SCAP: variants seen among roughly 807,000 people sequenced by gnomAD.
The protein encoded by SCAP is sterol regulatory element-binding protein cleavage-activating protein.
Under a neutral mutation model 123.6 loss-of-function variants are expected in SCAP, and 65 were observed. That is an observed-to-expected ratio of 0.53 (90% confidence interval 0.43 to 0.65). The LOEUF (loss-of-function observed/expected upper bound fraction) is 0.65, where lower values mean the gene tolerates loss of function less well. Ranked by LOEUF, SCAP falls within the 30% of genes least tolerant of loss-of-function variation. The pLI, the probability that SCAP is intolerant of heterozygous loss-of-function variation, is 0.00. For synonymous variants in SCAP, 740 were observed against 726.3 expected (o/e 1.02, Z -0.30); for missense variants, 1,398 against 1,712.5 (o/e 0.82, Z 3.24).
At chr3:47,467,697 T>C (rs1427595152) in intron 1 of SCAP, among the ~76,000 whole-genome samples, 1 of 152,056 alleles carries the variant, frequency 6.6e-6, no homozygotes, top group African/African-American at 2.4e-5. Context: ...AACATCAATA[T>C]TCCTTAGAAA....
At chr3:47,414,490 G>A in intron 21 of SCAP, 82 bp downstream of exon 21, 1 of 1,599,796 alleles carries the variant, frequency 6.3e-7, no homozygotes. Context: ...CTTCCTGGAA[G>A]GCCCCTGGGG....
intron 3 of SCAP, chr3:47,429,040 G>T (rs1706257097): frequency 1.0e-5 from 2 of 198,588 alleles, no homozygotes; most frequent in Admixed American, 1.1e-4. Flanking sequence ...AGATAACTGG[G>T]CATGCTCAAA....
chr3:47,421,265 G>A (rs1423111043), intron 10 of SCAP: 2 of 540,754 alleles, frequency 3.7e-6, no homozygotes, highest in Non-Finnish European at 6.7e-6. Flanking sequence ...TGAAAGGGAA[G>A]GGGAAGTACC....
chr3:47,419,063 C>T lies in SCAP; in HGVS notation c.1941-220G>A, dbSNP rs971563084. On this transcript the variant is annotated intron_variant, in intron 13 of 22. Transcript: ENST00000265565. The surrounding 1 kb of genome is among the most constrained non-coding windows in gnomAD (Gnocchi z 5.0). ...CCAGCACCCAAACAGCCCTGGTGGC[C>T]GTGTGGGGTATCTCCCTCCCCACTC... Among the ~76,000 whole-genome samples, 8 of 152,098 alleles carry T rather than the reference C, an allele frequency of 5.3e-5. No individual in the cohort carries two copies. The highest frequency in any genetic ancestry group is 1.2e-4 in the Non-Finnish European group (8 of 67,994).
intron 2 of SCAP, among the ~76,000 whole-genome samples, chr3:47,441,745 T>C (rs940102803): frequency 6.6e-6 from 1 of 152,164 alleles, no homozygotes; most frequent in Admixed American, 6.6e-5. Context: ...ATTAGTTATG[T>C]GGACCAGACA....
At chr3:47,465,110 G>A (rs945773741) in intron 1 of SCAP, among the ~76,000 whole-genome samples, 15 of 151,364 alleles carry the variant, frequency 9.9e-5, no homozygotes, top group Non-Finnish European at 1.6e-4. Flanking sequence ...AATTAAAGAC[G>A]TAAAATAAAG....
chr3:47,436,394 G>A (rs756610733), intron 2 of SCAP, among the ~76,000 whole-genome samples: 31 of 152,194 alleles, frequency 2.0e-4, no homozygotes, highest in Admixed American at 1.3e-4. Context: ...CACTTTGGGA[G>A]AGGCCAAGCG....
intron 1 of SCAP, among the ~76,000 whole-genome samples, chr3:47,459,165 A>G (rs970588159): frequency 4.6e-5 from 7 of 152,182 alleles, no homozygotes; most frequent in African/African-American, 1.7e-4. Flanking sequence ...TTGTCATTTC[A>G]CACAATGTCT....
chr3:47,453,768 T>C (rs1169461197), intron 1 of SCAP, among the ~76,000 whole-genome samples: 1 of 152,094 alleles, frequency 6.6e-6, no homozygotes, highest in Non-Finnish European at 1.5e-5. Flanking sequence ...ATGCTGGCAT[T>C]CTTCCCCAAA....
chr3:47,422,946 G>A (rs965544092), intron 9 of SCAP, among the ~76,000 whole-genome samples: 4 of 152,178 alleles, frequency 2.6e-5, no homozygotes, highest in South Asian at 2.1e-4. Context: ...AGAAGCACTC[G>A]GCGGGTAGAG....
chr3:47,444,474 G>A (rs1706946027), intron 1 of SCAP, among the ~76,000 whole-genome samples: 1 of 152,078 alleles, frequency 6.6e-6, no homozygotes, highest in South Asian at 2.1e-4. Context: ...TCCAATCCAG[G>A]AACCCTTTAT....
chr3:47,452,831 T>C (rs1466703002), intron 1 of SCAP, among the ~76,000 whole-genome samples: 1 of 151,950 alleles, frequency 6.6e-6, no homozygotes, highest in African/African-American at 2.4e-5. Flanking sequence ...CTAATGTCTG[T>C]AATCCCAGCA....
intron 18 of SCAP, among the ~76,000 whole-genome samples, 167 bp from the exon 19 acceptor site, chr3:47,415,347 C>T (rs145074102): frequency 6.6e-6 from 1 of 152,182 alleles, no homozygotes; most frequent in Non-Finnish European, 1.5e-5. Context: ...AGGGCAACTC[C>T]AAATATTAAC....
intron 18 of SCAP, 46 bp downstream of exon 18, chr3:47,417,076 C>G: frequency 6.4e-7 from 1 of 1,557,504 alleles, no homozygotes; most frequent in South Asian, 1.1e-5. Context: ...TATGGCCTAG[C>G]CAACAAAGGC....
chr3:47,460,907 AGGG>A lies in SCAP; in HGVS notation c.-99+14889_-99+14891del, dbSNP rs1348658382. ...GAAGAGGGTTCCAAACAGTGCAAAGAGGGGAGGAGTTTGTGAGGAGAAATGTGG... is the reference window on the plus strand; with the variant it reads ...GAAGAGGGTTCCAAACAGTGCAAAGAGAGGAGTTTGTGAGGAGAAATGTGG... On this transcript the variant is annotated intron_variant, in intron 1 of 22. Transcript: ENST00000265565. 1.3e-3 allele frequency among the ~76,000 whole-genome samples: 196 copies of A among 152,100 alleles called. 1 individual carries two copies. The highest frequency in any genetic ancestry group is 4.4e-3 in the African/African-American group (183 of 41,404).
chr3:47,418,075 G>A (rs775112572), intron 16 of SCAP, 59 bp downstream of exon 16: 10 of 456,374 alleles, frequency 2.2e-5, no homozygotes, highest in Admixed American at 7.1e-5. Context: ...ACGTGGCGGC[G>A]GGGGGTGGGG....
rs577868870 is a variant in SCAP at position 47,418,072 on chromosome 3, G to A, written c.2447+62C>T. The A allele has an allele frequency of 1.2e-4, 146 of 1,249,776 alleles. 1 individual carries two copies. The highest frequency in any genetic ancestry group is 1.1e-3 in the East Asian group (39 of 36,946). 77.4% of individuals were successfully genotyped at this position (1,249,776 alleles called of 1,614,324 possible). On this transcript the variant is annotated intron_variant, in intron 16 of 22. Transcript: ENST00000265565. ...GAAGAAAGGAGGGGAGATACGTGGC[G>A]GCGGGGGGTGGGGTGAGGGGGGTTG...
chr3:47,421,091 AGCAGTACCCGGACT>A (rs1446808298), intron 10 of SCAP, 62 bp from the exon 11 acceptor site: 1 of 1,364,474 alleles, frequency 7.3e-7, no homozygotes, highest in African/African-American at 1.4e-5. Flanking sequence ...GCCCAAGAGG[AGCAGTACCCGGACT>A]GCAGCCACCT....
intron 8 of SCAP, among the ~76,000 whole-genome samples, chr3:47,424,424 ACT>A (rs976395353): frequency 2.0e-5 from 3 of 152,134 alleles, no homozygotes; most frequent in Admixed American, 6.5e-5. Flanking sequence ...CACACCAGTA[ACT>A]CTGGGTGGAC....
Sources: gnomAD v4.1 joint callset for allele counts (sites outside exome capture counted in the v4.1 genomes callset) on GRCh38, gnomAD v4.1.1 for gene constraint, Gnocchi (gnomAD v3.1) non-coding constraint, MANE v1.5 for transcripts, NCBI Gene and HGNC (gene_info 2026-07-23, HGNC 2026-07-21) for gene names.